WWOX: variants seen among roughly 807,000 people sequenced by gnomAD.
The protein encoded by WWOX is WW domain-containing oxidoreductase.
A neutral mutation model predicts 46.2 loss-of-function variants in WWOX; 69 were observed. The ratio of observed to expected loss-of-function variants is 1.49; its 90% CI spans 1.23 to 1.82. WWOX has a LOEUF of 1.82. Among genes scored for constraint, WWOX ranks in the 40% most tolerant of loss-of-function variants. The pLI is 0.00. For missense variants in WWOX, 919 were observed against 542.6 expected (o/e 1.69, Z -6.89); for synonymous variants, 359 against 202.6 (o/e 1.77, Z -6.56).
intron 8 of WWOX, among the ~76,000 whole-genome samples, chr16:78,987,104 C>A (rs183785580): frequency 5.3e-4 from 80 of 152,254 alleles, no homozygotes; most frequent in African/African-American, 1.9e-3. Context: ...AACTAACTTG[C>A]CACTTTGATA....
At chr16:78,991,990 G>T (rs1038259375) in intron 8 of WWOX, among the ~76,000 whole-genome samples, 1 of 152,164 alleles carries the variant, frequency 6.6e-6, no homozygotes, top group Admixed American at 6.5e-5. Context: ...AACTCAGGGG[G>T]TTGGGAAACT....
chr16:78,588,847 G>A (rs1324979698), intron 8 of WWOX, among the ~76,000 whole-genome samples: 3 of 152,192 alleles, frequency 2.0e-5, no homozygotes, highest in Non-Finnish European at 4.4e-5. Context: ...ACCCAGGGTG[G>A]TGGTAGTGGT....
chr16:78,361,426 A>T (rs2081407665), intron 5 of WWOX, among the ~76,000 whole-genome samples: 2 of 152,148 alleles, frequency 1.3e-5, no homozygotes, highest in Admixed American at 6.5e-5. Flanking sequence ...ATGTTTTGAG[A>T]TGATGCTGGC....
intron 8 of WWOX, among the ~76,000 whole-genome samples, chr16:78,876,545 C>T (rs1345926736): frequency 6.6e-6 from 1 of 151,646 alleles, no homozygotes; most frequent in Non-Finnish European, 1.5e-5. Flanking sequence ...TTCTCATTCG[C>T]CCCTTTCTTC....
At chr16:78,487,114 A>T (rs1478302561) in intron 8 of WWOX, among the ~76,000 whole-genome samples, 8 of 152,218 alleles carry the variant, frequency 5.3e-5, no homozygotes, top group Admixed American at 2.0e-4. Context: ...CTATAACGAG[A>T]TGATTCTATA....
At chr16:78,536,860 G>A (rs1336223860) in intron 8 of WWOX, among the ~76,000 whole-genome samples, 1 of 146,826 alleles carries the variant, frequency 6.8e-6, no homozygotes, top group Non-Finnish European at 1.5e-5. Flanking sequence ...AATGAAAGTC[G>A]TTTATTGAGT....
At chr16:78,726,270 GT>G (rs1418104055) in intron 8 of WWOX, among the ~76,000 whole-genome samples, 1 of 148,946 alleles carries the variant, frequency 6.7e-6, no homozygotes, top group Non-Finnish European at 1.5e-5. Context: ...TGTCACCCAG[GT>G]TACAGTGCAG....
intron 8 of WWOX, among the ~76,000 whole-genome samples, chr16:78,656,943 C>T (rs896526621): frequency 9.2e-5 from 14 of 152,280 alleles, no homozygotes; most frequent in South Asian, 2.1e-4. Context: ...ACCATCATGG[C>T]GTCTGGTCCA....
intron 8 of WWOX, among the ~76,000 whole-genome samples, chr16:78,867,495 T>TG (rs1254593152): frequency 6.6e-6 from 1 of 151,446 alleles, no homozygotes; most frequent in Non-Finnish European, 1.5e-5. Context: ...TGTGTGTGTG[T>TG]GTGTGTGTGT....
chr16:79,056,715 G>GATA (rs2048269294), intron 8 of WWOX, among the ~76,000 whole-genome samples: 1 of 152,210 alleles, frequency 6.6e-6, no homozygotes, highest in Non-Finnish European at 1.5e-5. Context: ...TCTTGGCTGG[G>GATA]ATAAGTCTTC....
chr16:78,711,218 T>A (rs917681303), intron 8 of WWOX, among the ~76,000 whole-genome samples: 1 of 152,216 alleles, frequency 6.6e-6, no homozygotes, highest in Non-Finnish European at 1.5e-5. Flanking sequence ...CCTCTAAGTG[T>A]GCATCATGGA....
In WWOX at chr16:78,661,095, A is replaced by C. The variant is rs183040796; in HGVS notation, c.1056+228343A>C. Among the ~76,000 whole-genome samples the C allele has an allele frequency of 5.1e-3, 770 of 152,328 alleles. 5 individuals carry two copies. Among genetic ancestry groups the C allele is most frequent in the African/African-American group, 0.018 (743 of 41,582 alleles). On this transcript the variant is annotated intron_variant, in intron 8 of 8. Transcript: ENST00000566780. ...AAGGATATTGGGAGGGAGGATTTCC[A>C]GCAGCAGAAGTGGTGGAACAAAGGC... is the stretch of plus-strand genomic sequence containing the variant.
intron 5 of WWOX, among the ~76,000 whole-genome samples, chr16:78,371,016 T>C (rs2081670063): frequency 1.3e-5 from 2 of 151,052 alleles, no homozygotes; most frequent in Non-Finnish European, 3.0e-5. Context: ...TCCTTTCTTT[T>C]ATTATCTCTT....
At chr16:78,308,879 C>A (rs990846028) in intron 5 of WWOX, among the ~76,000 whole-genome samples, 1 of 152,112 alleles carries the variant, frequency 6.6e-6, no homozygotes, top group Non-Finnish European at 1.5e-5. Context: ...TTGAATCTAC[C>A]TGATACGGTT....
chr16:78,790,240 T>G lies in WWOX; in HGVS notation c.1056+357488T>G, dbSNP rs557702471. Among the ~76,000 whole-genome samples, 64 of 152,264 alleles carry G rather than the reference T, an allele frequency of 4.2e-4. 1 individual carries two copies. The highest frequency in any genetic ancestry group is 5.9e-4 in the Admixed American group (9 of 15,300). On this transcript the variant is annotated intron_variant, in intron 8 of 8. Transcript: ENST00000566780. ...CAACCTGCTTCCTGGGTTCAGGTGA[T>G]TGTCCTGCCTCAGCCTCCCTAGTAG...
chr16:78,300,731 T>C (rs1296082721), intron 5 of WWOX, among the ~76,000 whole-genome samples: 1 of 152,228 alleles, frequency 6.6e-6, no homozygotes, highest in Non-Finnish European at 1.5e-5. Context: ...AACGTTTTTT[T>C]CTCCTGTCAC....
chr16:79,051,084 C>G (rs1019723534), intron 8 of WWOX, among the ~76,000 whole-genome samples: 9 of 152,184 alleles, frequency 5.9e-5, no homozygotes, highest in Non-Finnish European at 1.3e-4. Context: ...GCTGCCATCA[C>G]AACAGTAAAA....
chr16:78,261,000 A>G (rs1334756969), intron 5 of WWOX, among the ~76,000 whole-genome samples: 1 of 151,302 alleles, frequency 6.6e-6, no homozygotes, highest in Non-Finnish European at 1.5e-5. Context: ...TAATAATGAA[A>G]GTATGAAATT....
intron 6 of WWOX, among the ~76,000 whole-genome samples, chr16:78,391,171 T>G (rs925513254): frequency 6.9e-6 from 1 of 145,464 alleles, no homozygotes. Context: ...CTGGATCTCT[T>G]CTTTTTATTC....
Sources: gnomAD v4.1 joint callset for allele counts (sites outside exome capture counted in the v4.1 genomes callset) on GRCh38, gnomAD v4.1.1 for gene constraint, MANE v1.5 for transcripts, NCBI Gene and HGNC (gene_info 2026-07-23, HGNC 2026-07-21) for gene names.